ADAM18: variants seen among roughly 807,000 people sequenced by gnomAD.
ADAM18 encodes the protein disintegrin and metalloproteinase domain-containing protein 18.
A neutral mutation model predicts 94.4 loss-of-function variants in ADAM18; 117 were observed. The ratio of observed to expected loss-of-function variants is 1.24; its 90% CI spans 1.07 to 1.45. The LOEUF (loss-of-function observed/expected upper bound fraction) is 1.45. Ranked by LOEUF, ADAM18 falls within the 40% of genes most tolerant of loss-of-function variation. The pLI, the probability that ADAM18 is intolerant of heterozygous loss-of-function variation, is 0.00. For synonymous variants in ADAM18, 327 were observed against 291.6 expected, an observed-to-expected ratio of 1.12 and a Z score of -1.24; for missense variants, 936 against 880.0, an observed-to-expected ratio of 1.06 and a Z score of -0.81.
At chr8:39,654,902 C>T (rs906222722) in intron 12 of ADAM18, among the ~76,000 whole-genome samples, 2 of 151,874 alleles carry the variant, frequency 1.3e-5, no homozygotes, top group South Asian at 2.1e-4. Flanking sequence ...TTTTGCTATT[C>T]GGTTGTTTGA....
Position 39,712,958 on chromosome 8 carries a change from C to T in ADAM18, c.2017+6054C>T, listed in dbSNP as rs543757104. 2.6e-5 allele frequency among the ~76,000 whole-genome samples: 4 copies of T among 152,144 alleles called. No individual in the cohort carries two copies. In the South Asian group the frequency reaches 8.3e-4, roughly 32 times the overall value. On this transcript the variant is annotated intron_variant, in intron 18 of 19. Transcript: ENST00000265707. ...AAACTACTTTAAATTTCATATGGAA[C>T]CAAAAAAGAGCCCACATTGCCAAGA...
intron 2 of ADAM18, among the ~76,000 whole-genome samples, chr8:39,590,216 A>T (rs1467466065): frequency 2.6e-5 from 4 of 151,986 alleles, no homozygotes; most frequent in Non-Finnish European, 5.9e-5. Flanking sequence ...CTGGATTAAG[A>T]AAATGTGGCA....
rs1243599927 is a variant in ADAM18, at chr8:39,721,091, G to A, written c.2018-2657G>A. ...CAACATCTGTGAATTTCAAAAGTCA[G>A]TAATAATGAACAAAGTCAGAAAACA... On this transcript the variant is annotated intron_variant, in intron 18 of 19. Coordinates refer to ENST00000265707, the MANE Select transcript of ADAM18 (RefSeq NM_014237.3). Among the ~76,000 whole-genome samples the A allele has an allele frequency of 1.3e-5, 2 of 151,362 alleles. 1 individual carries two copies. Among genetic ancestry groups the A allele is most frequent in the Middle Eastern group, 6.3e-3 (2 of 316 alleles).
At chr8:39,711,056 T>G (rs1175919648) in intron 18 of ADAM18, among the ~76,000 whole-genome samples, 2 of 152,206 alleles carry the variant, frequency 1.3e-5, no homozygotes, top group Admixed American at 6.5e-5. Context: ...TGTTTGTGCT[T>G]GTTTCCTTTG....
chr8:39,651,453 G>A (rs1204672423), intron 12 of ADAM18, among the ~76,000 whole-genome samples: 2 of 152,214 alleles, frequency 1.3e-5, no homozygotes, highest in African/African-American at 4.8e-5. Context: ...CTAGGCAGAG[G>A]TCCCTGCGGC....
intron 18 of ADAM18, among the ~76,000 whole-genome samples, chr8:39,707,503 A>G (rs1375852453): frequency 6.6e-6 from 1 of 152,170 alleles, no homozygotes; most frequent in Non-Finnish European, 1.5e-5. Flanking sequence ...AGCATTTATC[A>G]TGCACTGCAG....
intron 6 of ADAM18, among the ~76,000 whole-genome samples, chr8:39,613,037 G>A (rs188069485): frequency 6.1e-4 from 93 of 152,048 alleles, no homozygotes; most frequent in African/African-American, 2.0e-3. Context: ...ACCTGGATGC[G>A]TGGACTCCAC....
rs1361373079 is a variant in ADAM18, at chr8:39,663,780, C to A, written c.1231-15C>A. 1.3e-6 allele frequency: 2 copies of A among 1,556,164 alleles called. No homozygotes were observed. The highest frequency in any genetic ancestry group is 3.4e-5 in the Admixed American group (2 of 58,096). On this transcript the variant is annotated splice_polypyrimidine_tract_variant and intron_variant, in intron 12 of 19. Transcript: ENST00000265707. ...TGGTTAAACTGTAATAATATTTCTT[C>A]CTGTAAAATTTTAGGAATGTCAATT...
At chr8:39,667,591 A>G (rs12335275) in intron 13 of ADAM18, among the ~76,000 whole-genome samples, 4,828 of 152,250 alleles carry the variant, frequency 0.032, 279 homozygotes, top group African/African-American at 0.11. Flanking sequence ...TCTCACCCAT[A>G]CAAATAAGGT....
intron 18 of ADAM18, among the ~76,000 whole-genome samples, chr8:39,718,154 A>T (rs1822632504): frequency 6.6e-6 from 1 of 151,564 alleles, no homozygotes; most frequent in Admixed American, 6.6e-5. Flanking sequence ...GAAAAACAGT[A>T]TGGAGGTTCC....
chr8:39,666,142 A>G (rs1308477616), intron 13 of ADAM18, among the ~76,000 whole-genome samples: 1 of 152,170 alleles, frequency 6.6e-6, no homozygotes, highest in African/African-American at 2.4e-5. Flanking sequence ...GGCTGAAGCC[A>G]TCCTTCCACC....
rs191113209 is a variant in ADAM18, at chr8:39,650,890, G to A, written c.1230+2363G>A. Reference sequence around the variant, plus strand: ...AAGAGACACAGAGACAAAGTATAGAGAAAGAAAAGTGGACCCAGGGGACTG... The same window carrying A: ...AAGAGACACAGAGACAAAGTATAGAAAAAGAAAAGTGGACCCAGGGGACTG... On this transcript the variant is annotated intron_variant, in intron 12 of 19. Coordinates refer to ENST00000265707, the MANE Select transcript of ADAM18 (RefSeq NM_014237.3). 1.3e-4 allele frequency among the ~76,000 whole-genome samples: 20 copies of A among 152,238 alleles called. No individual in the cohort carries two copies. The East Asian group carries it at 3.9e-3, about 29-fold the overall frequency.
intron 19 of ADAM18, among the ~76,000 whole-genome samples, chr8:39,726,649 C>G (rs201997): frequency 0.27 from 41,026 of 152,034 alleles, 6,779 homozygotes; most frequent in Non-Finnish European, 0.37. Context: ...GGAGCTTTCT[C>G]TCTATTTTCT....
Position 39,671,946 on chromosome 8 carries a change from A to T in ADAM18, c.1525+3750A>T, listed in dbSNP as rs796084003. On this transcript the variant is annotated intron_variant, in intron 14 of 19. Coordinates refer to ENST00000265707, the MANE Select transcript of ADAM18 (RefSeq NM_014237.3). Reference sequence around the variant, plus strand: ...ATCATGAGATAGAATAGAGGAACACAACATGGGATGGGGGGTATTTATTGT... The same window carrying T: ...ATCATGAGATAGAATAGAGGAACACTACATGGGATGGGGGGTATTTATTGT... 5.3e-5 allele frequency among the ~76,000 whole-genome samples: 8 copies of T among 152,270 alleles called. 1 individual carries two copies. The highest frequency in any genetic ancestry group is 1.9e-4 in the African/African-American group (8 of 41,550).
intron 6 of ADAM18, among the ~76,000 whole-genome samples, chr8:39,627,760 T>C (rs1006531386): frequency 1.3e-5 from 2 of 152,150 alleles, no homozygotes; most frequent in African/African-American, 4.8e-5. Flanking sequence ...TCATGCTGAT[T>C]GTCACAAAGA....
At chr8:39,673,476 C>T (rs891135302) in intron 14 of ADAM18, among the ~76,000 whole-genome samples, 1 of 151,620 alleles carries the variant, frequency 6.6e-6, no homozygotes, top group Non-Finnish European at 1.5e-5. Flanking sequence ...CCACACCCCA[C>T]CCCCCAACAA....
chr8:39,608,766 A>G (rs545098093), intron 3 of ADAM18, among the ~76,000 whole-genome samples: 1 of 152,198 alleles, frequency 6.6e-6, no homozygotes, highest in Admixed American at 6.5e-5. Context: ...CAGATAGTGA[A>G]CACTCAGTAC....
chr8:39,727,878 A>G (rs191614395), intron 19 of ADAM18, among the ~76,000 whole-genome samples: 2 of 152,152 alleles, frequency 1.3e-5, no homozygotes, highest in Non-Finnish European at 2.9e-5. Context: ...TTGCATTGCT[A>G]TAAAGAAATA....
intron 19 of ADAM18, among the ~76,000 whole-genome samples, chr8:39,727,965 T>C (rs536111157): frequency 1.5e-3 from 226 of 152,270 alleles, no homozygotes; most frequent in Non-Finnish European, 2.8e-3. Context: ...GGAAGCATGG[T>C]GCTGGCTTCT....
Sources: gnomAD v4.1 joint callset for allele counts (sites outside exome capture counted in the v4.1 genomes callset) on GRCh38, gnomAD v4.1.1 for gene constraint, MANE v1.5 for transcripts, NCBI Gene and HGNC (gene_info 2026-07-23, HGNC 2026-07-21) for gene names.